Variants in RBMS1 observed in about 807,000 individuals in gnomAD.
The protein encoded by RBMS1 is RNA-binding motif, single-stranded-interacting protein 1.
A neutral mutation model predicts 62.3 loss-of-function variants in RBMS1; 17 were observed. The ratio of observed to expected loss-of-function variants is 0.27; its 90% CI spans 0.19 to 0.41. The LOEUF (loss-of-function observed/expected upper bound fraction) is 0.41. Ranked by LOEUF, RBMS1 falls within the 10% of genes least tolerant of loss-of-function variation. RBMS1 has a pLI of 1.00. For synonymous variants in RBMS1, 172 were observed against 170.0 expected, an observed-to-expected ratio of 1.01 and a Z score of -0.09; for missense variants, 334 against 504.5, an observed-to-expected ratio of 0.66 and a Z score of 3.24.
At chr2:160,366,048 A>G (rs954834122) in intron 2 of RBMS1, among the ~76,000 whole-genome samples, 2 of 152,332 alleles carry the variant, frequency 1.3e-5, no homozygotes, top group Admixed American at 6.5e-5. Flanking sequence ...AAAGGGGGAC[A>G]TGAGAAAAAC....
At chr2:160,375,189 T>A (rs1023131539) in intron 1 of RBMS1, among the ~76,000 whole-genome samples, 1 of 152,188 alleles carries the variant, frequency 6.6e-6, no homozygotes, top group South Asian at 2.1e-4. Context: ...TTTAGTACTC[T>A]TGTCTGTCTG....
chr2:160,346,378 A>G (rs541493030), intron 2 of RBMS1, among the ~76,000 whole-genome samples: 34 of 152,202 alleles, frequency 2.2e-4, no homozygotes, highest in African/African-American at 8.2e-4. Flanking sequence ...CTTTCAGAAG[A>G]GTGGCCTGCT....
At chr2:160,404,638 T>C (rs996468908) in intron 1 of RBMS1, among the ~76,000 whole-genome samples, 3 of 152,190 alleles carry the variant, frequency 2.0e-5, no homozygotes, top group African/African-American at 7.2e-5. Flanking sequence ...CTGGAACCAA[T>C]CTTCCTCGGA....
chr2:160,353,338 C>T (rs116228207), intron 2 of RBMS1, among the ~76,000 whole-genome samples: 3,804 of 152,076 alleles, frequency 0.025, 191 homozygotes, highest in African/African-American at 0.087. Context: ...CTGGGTGGGG[C>T]CTGTCACCTC....
intron 1 of RBMS1, among the ~76,000 whole-genome samples, chr2:160,442,582 T>A (rs573411695): frequency 1.2e-4 from 19 of 152,362 alleles, no homozygotes; most frequent in African/African-American, 4.6e-4. Context: ...CTACAGCAGC[T>A]AGAGACTTTG....
At chr2:160,332,544 C>G (rs188306519) in intron 2 of RBMS1, among the ~76,000 whole-genome samples, 1 of 152,326 alleles carries the variant, frequency 6.6e-6, no homozygotes, top group African/African-American at 2.4e-5. Context: ...CTCACACTTC[C>G]TGTGACTATC....
chr2:160,288,130 G>A (rs932402708), intron 6 of RBMS1, among the ~76,000 whole-genome samples: 3 of 151,262 alleles, frequency 2.0e-5, no homozygotes, highest in African/African-American at 7.3e-5. Context: ...AAATAGCAGT[G>A]TATTCCAGAA....
intron 1 of RBMS1, among the ~76,000 whole-genome samples, chr2:160,492,353 A>G (rs957128965): frequency 6.6e-6 from 1 of 152,088 alleles, no homozygotes; most frequent in Non-Finnish European, 1.5e-5. Context: ...TCAAATTCTT[A>G]TTGTAAAAAT....
chr2:160,344,156 A>C (rs58748091), intron 2 of RBMS1, among the ~76,000 whole-genome samples: 14,685 of 152,162 alleles, frequency 0.097, 957 homozygotes, highest in East Asian at 0.26. Flanking sequence ...TTAAAAGTCA[A>C]GATGAAATCG....
At chr2:160,289,772 T>G (rs1321528697) in intron 6 of RBMS1, among the ~76,000 whole-genome samples, 1 of 152,054 alleles carries the variant, frequency 6.6e-6, no homozygotes, top group Non-Finnish European at 1.5e-5. Context: ...ACAGCTGTAT[T>G]TCTTTGACAA....
chr2:160,354,530 T>C (rs1692689482), intron 2 of RBMS1, among the ~76,000 whole-genome samples: 1 of 152,152 alleles, frequency 6.6e-6, no homozygotes, highest in Non-Finnish European at 1.5e-5. Flanking sequence ...AAAGCATCAG[T>C]GCTCCTGTCC....
Position 160,304,459 on chromosome 2 carries a change from C to T in RBMS1, c.403-972G>A, listed in dbSNP as rs6710066. 6.2e-3 allele frequency among the ~76,000 whole-genome samples: 943 copies of T among 152,196 alleles called. 16 individuals are homozygous for T. The highest frequency in any genetic ancestry group is 0.02 in the African/African-American group (819 of 41,514). The stretch of plus-strand genomic sequence containing the variant: ...ATACCAGTAAGTAACACCGACACTC[C>T]AGGAAGATAAGCCATGCTTATCTTG... On this transcript the variant is annotated intron_variant, in intron 4 of 13. Coordinates refer to ENST00000348849, the MANE Select transcript of RBMS1 (RefSeq NM_016836.4).
chr2:160,450,949 G>A (rs1050075416), intron 1 of RBMS1, among the ~76,000 whole-genome samples: 2 of 152,220 alleles, frequency 1.3e-5, no homozygotes, highest in South Asian at 2.1e-4. Context: ...AAGGCAGGAG[G>A]ATCACTTGAG....
chr2:160,426,775 C>T (rs889151208), intron 1 of RBMS1, among the ~76,000 whole-genome samples: 1 of 152,126 alleles, frequency 6.6e-6, no homozygotes, highest in Non-Finnish European at 1.5e-5. Context: ...CACCTCATTC[C>T]GGGTGACTTC....
intron 12 of RBMS1, among the ~76,000 whole-genome samples, chr2:160,276,374 C>CCTACTA (rs899027416): frequency 1.3e-5 from 2 of 149,788 alleles, no homozygotes; most frequent in African/African-American, 5.0e-5. Context: ...ACCACCAACA[C>CCTACTA]CTACTACTAC....
At chr2:160,414,142 T>C (rs1696129328) in intron 1 of RBMS1, among the ~76,000 whole-genome samples, 1 of 152,228 alleles carries the variant, frequency 6.6e-6, no homozygotes, top group Non-Finnish European at 1.5e-5. Flanking sequence ...CATGTGGATT[T>C]ACATTGAATT....
chr2:160,277,510 C>T, intron 11 of RBMS1, 127 bp from the exon 12 acceptor site: 1 of 652,840 alleles, frequency 1.5e-6, no homozygotes, highest in Non-Finnish European at 2.7e-6. Flanking sequence ...TGGGCTACAC[C>T]TCAAAGCTTA....
chr2:160,455,495 G>A (rs1463260791), intron 1 of RBMS1, among the ~76,000 whole-genome samples: 1 of 152,180 alleles, frequency 6.6e-6, no homozygotes, highest in South Asian at 2.1e-4. Context: ...GAACACACTT[G>A]CACACTTCAG....
At chr2:160,297,964 A>G (rs576095638) in intron 6 of RBMS1, among the ~76,000 whole-genome samples, 1 of 152,296 alleles carries the variant, frequency 6.6e-6, no homozygotes, top group East Asian at 1.9e-4. Flanking sequence ...TTTTAACAAT[A>G]AAGTGACACA....
Sources: gnomAD v4.1 joint callset for allele counts (sites outside exome capture counted in the v4.1 genomes callset) on GRCh38, gnomAD v4.1.1 for gene constraint, MANE v1.5 for transcripts, NCBI Gene and HGNC (gene_info 2026-07-23, HGNC 2026-07-21) for gene names.